The following EPB41L3 variants were observed in gnomAD, a reference collection of about 807,000 sequenced individuals.
EPB41L3 encodes the protein erythrocyte membrane protein band 4.1 like 3, also known as band 4.1-like protein 3.
In EPB41L3, 57 loss-of-function variants were observed where a neutral mutation model predicts 127.1. The ratio of observed to expected loss-of-function variants is 0.45; its 90% confidence interval spans 0.36 to 0.56. The LOEUF (loss-of-function observed/expected upper bound fraction) is 0.56. EPB41L3 is among the 20% of genes least tolerant of loss of function. The probability of loss-of-function intolerance (pLI) is 0.00; values close to 1 mark genes in which losing one functional copy is unlikely to be tolerated. For synonymous variants in EPB41L3, 572 were observed against 549.5 expected, an observed-to-expected ratio of 1.04 and a Z score of -0.57; for missense variants, 1,273 against 1,372.2, an observed-to-expected ratio of 0.93 and a Z score of 1.14.
At chr18:5,485,402 G>C (rs571431311) in intron 2 of EPB41L3, among the ~76,000 whole-genome samples, 2 of 152,072 alleles carry the variant, frequency 1.3e-5, no homozygotes, top group South Asian at 4.2e-4. Context: ...ATTGAATTGT[G>C]AAAAACTGAA....
intron 1 of EPB41L3, among the ~76,000 whole-genome samples, chr18:5,519,179 G>A (rs1241041404): frequency 6.6e-6 from 1 of 152,192 alleles, no homozygotes; most frequent in African/African-American, 2.4e-5. Flanking sequence ...TTGTGAAGGC[G>A]TGCATCACAC....
rs150138682 is a variant in EPB41L3, at chr18:5,396,420, C to T, written c.2842-88G>A. The T allele has an allele frequency of 1.3e-3, 1,912 of 1,500,404 alleles. 9 individuals carry two copies. In the African/African-American group the frequency reaches 0.018, roughly 15 times the overall value. The allele number at this position is 1,500,404 out of a possible 1,614,324, so 92.9% of individuals were successfully genotyped here. ...CTTTTCCTCTCTTGGTGGTTATAAGCACAGGTTAGTATGCTATAAATGTTT... is the reference window on the plus strand; with the variant it reads ...CTTTTCCTCTCTTGGTGGTTATAAGTACAGGTTAGTATGCTATAAATGTTT... On this transcript the variant is annotated intron_variant, in intron 18 of 22. Transcript: ENST00000341928.
intron 1 of EPB41L3, among the ~76,000 whole-genome samples, chr18:5,505,508 C>A (rs924626633): frequency 4.0e-5 from 6 of 151,448 alleles, no homozygotes; most frequent in African/African-American, 1.5e-4. Context: ...TTCATCTCCA[C>A]CCCTACCCTC....
chr18:5,570,901 A>C (rs956459162), intron 3 of EPB41L3: 4 of 152,250 alleles, frequency 2.6e-5, no homozygotes, highest in Non-Finnish European at 5.9e-5. Context: ...AGCATTTTCC[A>C]TCTAACTTTG....
Position 5,622,853 on chromosome 18 carries a change from C to T in EPB41L3, c.-468+6069G>A, listed in dbSNP as rs1255775266. Among the ~76,000 whole-genome samples, 5 of 149,054 alleles carry T rather than the reference C, an allele frequency of 3.4e-5. No individual in the cohort carries two copies. In the East Asian group the frequency reaches 8.0e-4, roughly 24 times the overall value. On this transcript the variant is annotated intron_variant, in intron 1 of 21. Transcript: ENST00000545076. ...AGGTGAATATGAGTCTCTGATTAAA[C>T]ATTTGTTTGTATTTGAATTTGTTCC... is the stretch of plus-strand genomic sequence containing the variant.
At chr18:5,569,586 A>T (rs1180108427) in intron 3 of EPB41L3, among the ~76,000 whole-genome samples, 1 of 152,202 alleles carries the variant, frequency 6.6e-6, no homozygotes, top group East Asian at 1.9e-4. Context: ...TGTTGGTAAC[A>T]CGCTGGTGAC....
At chr18:5,512,313 G>A (rs1173639064) in intron 1 of EPB41L3, among the ~76,000 whole-genome samples, 1 of 152,188 alleles carries the variant, frequency 6.6e-6, no homozygotes, top group Non-Finnish European at 1.5e-5. Context: ...ATAGAGAATG[G>A]GCACTCAACC....
At chr18:5,564,307 G>T (rs147065107) in intron 3 of EPB41L3, among the ~76,000 whole-genome samples, 324 of 152,192 alleles carry the variant, frequency 2.1e-3, no homozygotes, top group Non-Finnish European at 4.0e-3. Context: ...ATGTTTTGCA[G>T]GTATTATTTC....
chr18:5,459,731 T>C (rs562931747), intron 3 of EPB41L3, among the ~76,000 whole-genome samples: 34 of 152,334 alleles, frequency 2.2e-4, no homozygotes, highest in Admixed American at 1.8e-3. Context: ...AATATCAGTG[T>C]GTAACAGACA....
At chr18:5,407,898 C>G (rs1468514367) in intron 14 of EPB41L3, among the ~76,000 whole-genome samples, 162 bp from the exon 15 acceptor site, 1 of 152,152 alleles carries the variant, frequency 6.6e-6, no homozygotes, top group East Asian at 1.9e-4. Context: ...TTCTCACACA[C>G]AATTAGGAAG....
chr18:5,468,574 C>T (rs566243846), intron 3 of EPB41L3, among the ~76,000 whole-genome samples: 25 of 152,252 alleles, frequency 1.6e-4, no homozygotes, highest in African/African-American at 5.8e-4. Flanking sequence ...GCTGCACACT[C>T]GACAGGATGA....
chr18:5,525,288 G>T (rs1191553604), intron 1 of EPB41L3, among the ~76,000 whole-genome samples: 1 of 152,154 alleles, frequency 6.6e-6, no homozygotes, highest in Non-Finnish European at 1.5e-5. Context: ...CAAGAGGCGT[G>T]CCATGGCCCT....
intron 3 of EPB41L3, among the ~76,000 whole-genome samples, chr18:5,460,619 A>T (rs1038741837): frequency 2.6e-5 from 4 of 152,252 alleles, no homozygotes; most frequent in African/African-American, 9.6e-5. Flanking sequence ...GAGGAAGAAC[A>T]ATCAGTGAGA....
At chr18:5,438,285 A>C (rs1023997249) in intron 5 of EPB41L3, among the ~76,000 whole-genome samples, 175 bp from the exon 6 acceptor site, 4 of 152,236 alleles carry the variant, frequency 2.6e-5, no homozygotes, top group African/African-American at 9.6e-5. Context: ...ACCTTGTCTA[A>C]CTTCTAATCT....
chr18:5,580,371 G>A (rs1363874151), intron 3 of EPB41L3, among the ~76,000 whole-genome samples: 3 of 151,782 alleles, frequency 2.0e-5, no homozygotes, highest in Non-Finnish European at 4.4e-5. Context: ...AGGCACACAG[G>A]TATAGACACA....
intron 1 of EPB41L3, among the ~76,000 whole-genome samples, chr18:5,525,731 T>G (rs1184688674): frequency 6.6e-6 from 1 of 152,196 alleles, no homozygotes; most frequent in African/African-American, 2.4e-5. Context: ...TTCTCAGAAC[T>G]TGGAGTTATG....
At chr18:5,578,062 A>G in intron 3 of EPB41L3, among the ~76,000 whole-genome samples, 1 of 147,680 alleles carries the variant, frequency 6.8e-6, no homozygotes, top group Non-Finnish European at 1.5e-5. Context: ...AAAGAGGGCC[A>G]GTTCCAACCA....
rs202182704 is a variant in EPB41L3, at chr18:5,487,405, AT to A, written c.183+1595del. 8.6e-3 allele frequency among the ~76,000 whole-genome samples: 1,291 copies of A among 149,636 alleles called. 16 individuals carry two copies. The highest frequency in any genetic ancestry group is 0.028 in the African/African-American group (1,149 of 41,000). On this transcript the variant is annotated intron_variant, in intron 2 of 22. Transcript: ENST00000341928. ...CATATATACAAAATATAATATATATATTTTTTATATAAAAATATAAATGTAC... is the reference window on the plus strand; with the variant it reads ...CATATATACAAAATATAATATATATATTTTTATATAAAAATATAAATGTAC...
intron 3 of EPB41L3, among the ~76,000 whole-genome samples, chr18:5,473,822 AC>A (rs1599442987): frequency 3.9e-5 from 6 of 152,240 alleles, no homozygotes; most frequent in East Asian, 1.9e-4. Context: ...TTGTTGGCAT[AC>A]ATGAAAATCT....
Sources: allele counts gnomAD v4.1 joint callset (sites outside exome capture counted in the v4.1 genomes callset), GRCh38; gene constraint gnomAD v4.1.1; transcripts MANE v1.5; gene names NCBI Gene and HGNC (gene_info 2026-07-23, HGNC 2026-07-21).